Variants in SMARCC1 observed in about 807,000 individuals in gnomAD.
SMARCC1 encodes SWI/SNF related BAF chromatin remodeling complex subunit C1.
Under a neutral mutation model 147.4 loss-of-function variants are expected in SMARCC1, and 43 were observed. The ratio of observed to expected loss-of-function variants is 0.29; its 90% CI spans 0.23 to 0.38. The LOEUF (loss-of-function observed/expected upper bound fraction) is 0.38, where lower values mean the gene tolerates loss of function less well. Among genes scored for constraint, SMARCC1 ranks in the 10% least tolerant of loss-of-function variants. SMARCC1 has a pLI of 1.00. For missense variants in SMARCC1, 1,119 were observed against 1,381.1 expected (o/e 0.81, Z 3.01); for synonymous variants, 495 against 484.4 (o/e 1.02, Z -0.29).
chr3:47,712,699 G>T (rs186623940), intron 8 of SMARCC1, among the ~76,000 whole-genome samples: 9 of 152,256 alleles, frequency 5.9e-5, no homozygotes, highest in African/African-American at 1.9e-4. Flanking sequence ...GCAAAGCTTG[G>T]ATTTGCACTA....
At chr3:47,771,868 G>A (rs1199701080) in intron 2 of SMARCC1, among the ~76,000 whole-genome samples, 1 of 151,892 alleles carries the variant, frequency 6.6e-6, no homozygotes, top group Non-Finnish European at 1.5e-5. Flanking sequence ...GATCACTTGA[G>A]GCTGCGAGTT....
At chr3:47,776,696 A>T (rs911971899) in intron 1 of SMARCC1, among the ~76,000 whole-genome samples, 1 of 152,192 alleles carries the variant, frequency 6.6e-6, no homozygotes, top group African/African-American at 2.4e-5. Flanking sequence ...GGCTGTTCAG[A>T]TGGAACCAAA....
intron 26 of SMARCC1, among the ~76,000 whole-genome samples, chr3:47,609,287 G>A (rs1576386316): frequency 6.6e-6 from 1 of 152,160 alleles, no homozygotes; most frequent in South Asian, 2.1e-4. Context: ...ACGAGGTCAG[G>A]AGATCGAGAC....
intron 21 of SMARCC1, among the ~76,000 whole-genome samples, chr3:47,651,927 T>C (rs779614979): frequency 1.4e-4 from 21 of 152,312 alleles, no homozygotes; most frequent in Non-Finnish European, 2.1e-4. Context: ...CAAGAAAGCT[T>C]CTCTGGCACA....
In SMARCC1 at chr3:47,700,353, TGAA is replaced by T. The variant is rs2106786426; in HGVS notation, c.1165+922_1165+924del. 2.0e-5 allele frequency among the ~76,000 whole-genome samples: 3 copies of T among 152,268 alleles called. No individual in the cohort carries two copies. The East Asian group carries it at 5.8e-4, about 29-fold the overall frequency. ...TACAAGCTGCTCCCACAAAGATGGGTGAAGAAGGCTAATAAATCATAAAATGCC... is the reference window on the plus strand; with the variant it reads ...TACAAGCTGCTCCCACAAAGATGGGTGAAGGCTAATAAATCATAAAATGCC... On this transcript the variant is annotated intron_variant, in intron 11 of 27. Coordinates refer to ENST00000254480, the MANE Select transcript of SMARCC1 (RefSeq NM_003074.4).
At chr3:47,752,727 C>T (rs2034642350) in intron 2 of SMARCC1, among the ~76,000 whole-genome samples, 1 of 152,028 alleles carries the variant, frequency 6.6e-6, no homozygotes, top group Admixed American at 6.6e-5. Flanking sequence ...GAGGCTGAAG[C>T]TGCAGTGACC....
chr3:47,776,744 T>A (rs886692643), intron 1 of SMARCC1, among the ~76,000 whole-genome samples: 1 of 151,938 alleles, frequency 6.6e-6, no homozygotes. Flanking sequence ...TATGTAAACA[T>A]ATATGTAAAT....
At chr3:47,593,116 C>T (rs550000587) in intron 26 of SMARCC1, among the ~76,000 whole-genome samples, 7 of 151,890 alleles carry the variant, frequency 4.6e-5, no homozygotes, top group South Asian at 2.1e-4. Context: ...TGTGAGCCAC[C>T]GCACCTGGCC....
intron 21 of SMARCC1, among the ~76,000 whole-genome samples, chr3:47,658,543 T>C (rs2033293706): frequency 6.6e-6 from 1 of 152,256 alleles, no homozygotes; most frequent in Non-Finnish European, 1.5e-5. Context: ...CTATTTTCAC[T>C]GGCTTTTCAC....
rs771007886 is a variant in SMARCC1, at chr3:47,686,041, C to T, written c.1385+8G>A. On this transcript the variant is annotated splice_region_variant and intron_variant, in intron 14 of 27. Coordinates refer to ENST00000254480, the MANE Select transcript of SMARCC1 (RefSeq NM_003074.4). ...TACCATGCTCACAGATGGAAGTGGTCCACTCACCAGTTATAATCAAACCAT... is the reference window on the plus strand; with the variant it reads ...TACCATGCTCACAGATGGAAGTGGTTCACTCACCAGTTATAATCAAACCAT... 2 of 1,612,604 alleles carry T rather than the reference C, an allele frequency of 1.2e-6. No homozygotes were observed. Among genetic ancestry groups the T allele is most frequent in the South Asian group, 2.2e-5 (2 of 90,946 alleles).
chr3:47,725,057 A>AAAAAAC (rs2034282448), intron 6 of SMARCC1, among the ~76,000 whole-genome samples: 2 of 150,442 alleles, frequency 1.3e-5, no homozygotes, highest in Non-Finnish European at 3.0e-5. Context: ...AAAAAAAAAA[A>AAAAAAC]TCTATTGCAC....
At chr3:47,692,570 A>T (rs2033802781) in intron 12 of SMARCC1, among the ~76,000 whole-genome samples, 1 of 152,340 alleles carries the variant, frequency 6.6e-6, no homozygotes, top group South Asian at 2.1e-4. Flanking sequence ...CCTAGTTTGT[A>T]CAAAAATATT....
intron 2 of SMARCC1, among the ~76,000 whole-genome samples, chr3:47,769,926 A>T (rs921637829): frequency 2.0e-5 from 3 of 152,182 alleles, no homozygotes; most frequent in Non-Finnish European, 2.9e-5. Flanking sequence ...AGAGAGTGAC[A>T]TGTAAAAATA....
chr3:47,638,417 G>C (rs2033002495), intron 22 of SMARCC1, among the ~76,000 whole-genome samples: 1 of 152,090 alleles, frequency 6.6e-6, no homozygotes, highest in Non-Finnish European at 1.5e-5. Context: ...TGTATTCATA[G>C]TCCCAACTTG....
chr3:47,756,708 A>G (rs879630213), intron 2 of SMARCC1, among the ~76,000 whole-genome samples: 1 of 152,150 alleles, frequency 6.6e-6, no homozygotes, highest in Admixed American at 6.6e-5. Context: ...ATTCACATTC[A>G]TGTATTTCTT....
At position 47,588,178 on chromosome 3, in the gene SMARCC1, G is replaced by A. The variant is rs760118623; in HGVS notation, c.*31C>T. 2.0e-6 allele frequency: 3 copies of A among 1,531,746 alleles called. No homozygotes were observed. Among genetic ancestry groups the A allele is most frequent in the Non-Finnish European group, 9.0e-7 (1 of 1,109,244 alleles). 94.9% of individuals were successfully genotyped at this position (1,531,746 alleles called of 1,614,324 possible). On this transcript the variant is annotated 3_prime_UTR_variant, in exon 28 of 28. Transcript: ENST00000254480. ...GTCATCCCCACTCCAGCTCATGGTGGTGGGCGTGGAGGTTCCCTGCATCTT... is the reference window on the plus strand; with the variant it reads ...GTCATCCCCACTCCAGCTCATGGTGATGGGCGTGGAGGTTCCCTGCATCTT...
chr3:47,713,509 T>C (rs2034116826), intron 8 of SMARCC1, among the ~76,000 whole-genome samples: 1 of 152,074 alleles, frequency 6.6e-6, no homozygotes, highest in South Asian at 2.1e-4. Context: ...CACTGCAGCC[T>C]CAACCTCCTC....
intron 21 of SMARCC1, among the ~76,000 whole-genome samples, chr3:47,647,025 A>G (rs1346874200): frequency 2.6e-5 from 4 of 152,224 alleles, no homozygotes; most frequent in South Asian, 2.1e-4. Context: ...CTATTTTCAT[A>G]ATAACACTAA....
At chr3:47,737,821 A>AT (rs1257535030) in intron 4 of SMARCC1, among the ~76,000 whole-genome samples, 1 of 138,532 alleles carries the variant, frequency 7.2e-6, no homozygotes. Flanking sequence ...ACGTGCGGCT[A>AT]ATTTTTTTTT....
Sources: gnomAD v4.1 joint callset for allele counts (sites outside exome capture counted in the v4.1 genomes callset) on GRCh38, gnomAD v4.1.1 for gene constraint, MANE v1.5 for transcripts, NCBI Gene and HGNC (gene_info 2026-07-23, HGNC 2026-07-21) for gene names.